Variants in ORC4 observed in about 807,000 individuals in gnomAD.
ORC4 encodes origin recognition complex, subunit 4 homolog.
In ORC4, 55 loss-of-function variants were observed where a neutral mutation model predicts 63.9. The observed-to-expected ratio is 0.86, with a 90% CI of 0.69 to 1.08. ORC4 has a LOEUF of 1.08. Ranked by LOEUF, ORC4 falls within the 50% of genes least tolerant of loss-of-function variation. The pLI, the probability that ORC4 is intolerant of heterozygous loss-of-function variation, is 0.00. For synonymous variants in ORC4, 150 were observed against 168.5 expected, an observed-to-expected ratio of 0.89 and a Z score of 0.85; for missense variants, 511 against 504.4, an observed-to-expected ratio of 1.01 and a Z score of -0.13.
intron 8 of ORC4, among the ~76,000 whole-genome samples, chr2:147,950,103 G>C (rs906182902): frequency 6.6e-6 from 1 of 152,128 alleles, no homozygotes. Flanking sequence ...TCAAAGAAAA[G>C]TATAGTGCCA....
At chr2:147,993,300 C>T (rs2105407977) in intron 1 of ORC4, among the ~76,000 whole-genome samples, 1 of 151,990 alleles carries the variant, frequency 6.6e-6, no homozygotes, top group Non-Finnish European at 1.5e-5. Context: ...TTTTCTTGGC[C>T]CCTACAATAT....
intron 1 of ORC4, among the ~76,000 whole-genome samples, chr2:147,982,545 T>C (rs991103026): frequency 1.3e-5 from 2 of 152,198 alleles, no homozygotes; most frequent in African/African-American, 4.8e-5. Flanking sequence ...AAGGCAGGTA[T>C]CTAATCTGCC....
chr2:147,995,938 T>C (rs898661210), intron 1 of ORC4, among the ~76,000 whole-genome samples: 23 of 150,476 alleles, frequency 1.5e-4, no homozygotes, highest in Middle Eastern at 3.4e-3. Flanking sequence ...AGGCAGAGGT[T>C]GCAGTGAGCC....
intron 10 of ORC4, among the ~76,000 whole-genome samples, chr2:147,940,107 C>A (rs1688279344): frequency 6.6e-6 from 1 of 152,100 alleles, no homozygotes; most frequent in Non-Finnish European, 1.5e-5. Context: ...TGGTTGGGAC[C>A]TAGATTGCCA....
intron 1 of ORC4, 27 bp from the exon 2 acceptor site, chr2:147,976,002 T>C (rs760591131): frequency 4.7e-6 from 5 of 1,071,504 alleles, no homozygotes; most frequent in South Asian, 1.2e-5. Flanking sequence ...ATAAATATTA[T>C]AAACGTAGTG....
rs894263976 is a variant in ORC4 at position 148,000,881 on chromosome 2, T to C, written c.-18+19752A>G. Among the ~76,000 whole-genome samples the C allele has an allele frequency of 2.6e-5, 4 of 152,082 alleles. No individual in the cohort carries two copies. The East Asian group carries it at 7.7e-4, about 29-fold the overall frequency. On this transcript the variant is annotated intron_variant, in intron 1 of 13. Coordinates refer to ENST00000392857, the MANE Select transcript of ORC4 (RefSeq NM_181741.4). ...TCAATGGGAAGATGGGGGGAATGGA[T>C]GGGATGTTTGTGGAAAAAGGCTAAA...
chr2:147,949,208 C>T (rs1037065909), intron 8 of ORC4, among the ~76,000 whole-genome samples: 2 of 151,728 alleles, frequency 1.3e-5, no homozygotes, highest in Non-Finnish European at 2.9e-5. Flanking sequence ...CCCAAATGTC[C>T]ATCAACTGAT....
At chr2:147,956,679 T>C (rs551014927) in intron 6 of ORC4, among the ~76,000 whole-genome samples, 5 of 152,238 alleles carry the variant, frequency 3.3e-5, no homozygotes, top group Admixed American at 6.5e-5. Context: ...GAAGAATTTA[T>C]GTATATCGTA....
intron 4 of ORC4, chr2:147,960,364 G>C: frequency 2.1e-6 from 2 of 972,334 alleles, no homozygotes; most frequent in Non-Finnish European, 2.4e-6. Flanking sequence ...TCTAATCTGG[G>C]TATTGCTAAA....
At chr2:147,938,561 C>A (rs1688190246) in intron 11 of ORC4, 168 bp from the exon 12 acceptor site, 2 of 583,094 alleles carry the variant, frequency 3.4e-6, no homozygotes, top group Non-Finnish European at 6.1e-6. Flanking sequence ...ATTTAAGTTA[C>A]TTAACCTCCC....
chr2:147,972,855 T>C (rs772482689), intron 3 of ORC4, 26 bp from the exon 4 acceptor site: 5 of 1,458,632 alleles, frequency 3.4e-6, no homozygotes, highest in Non-Finnish European at 4.8e-6. Context: ...TAGGACAAAA[T>C]TTTAAAAATG....
At chr2:147,965,460 TAAGA>T (rs1175193124) in intron 4 of ORC4, among the ~76,000 whole-genome samples, 1 of 151,698 alleles carries the variant, frequency 6.6e-6, no homozygotes, top group East Asian at 1.9e-4. Flanking sequence ...ATAAAAGTGA[TAAGA>T]AAGTTGTAAA....
At chr2:147,947,904 TAA>T (rs993209768) in intron 9 of ORC4, 145 bp downstream of exon 9, 1 of 631,982 alleles carries the variant, frequency 1.6e-6, no homozygotes, top group Non-Finnish European at 2.8e-6. Flanking sequence ...AGAAAATTTT[TAA>T]AAAGTATATA....
rs1221839749 is a variant in ORC4 at position 147,958,746 on chromosome 2, A to T, written c.301+45T>A. On this transcript the variant is annotated intron_variant, in intron 5 of 13. Coordinates refer to ENST00000392857, the MANE Select transcript of ORC4 (RefSeq NM_181741.4). ...AATATACAAGTCATATAAAAACCCC[A>T]CAAAGTTTACATAATCTCCAATGGC... The T allele has an allele frequency of 3.1e-6, 3 of 963,738 alleles. No homozygotes were observed. In the African/African-American group the frequency reaches 4.8e-5, roughly 16 times the overall value. The allele number at this position is 963,738 out of a possible 1,614,324, so 59.7% of individuals were successfully genotyped here. A position where few individuals can be genotyped will look rare whatever the true frequency, so the allele number is the denominator to read the frequency against.
chr2:147,983,851 AATTCAAGAG>A (rs1691034013), intron 1 of ORC4, among the ~76,000 whole-genome samples: 1 of 152,196 alleles, frequency 6.6e-6, no homozygotes, highest in Non-Finnish European at 1.5e-5. Context: ...GTCTTAGAGA[AATTCAAGAG>A]CTAACAGATA....
intron 10 of ORC4, 114 bp downstream of exon 10, chr2:147,943,322 G>T (rs1008040207): frequency 5.6e-6 from 4 of 717,436 alleles, no homozygotes; most frequent in Non-Finnish European, 1.0e-5. Context: ...AGGCAGAGGT[G>T]GGAGGATGGC....
Position 147,935,145 on chromosome 2 carries a change from C to A in ORC4, c.*365G>T. 1 of 224,342 alleles carries A rather than the reference C, an allele frequency of 4.5e-6. No individual in the cohort carries two copies. Among genetic ancestry groups the A allele is most frequent in the Non-Finnish European group, 9.0e-6 (1 of 111,440 alleles). The allele number at this position is 224,342 out of a possible 1,614,324, so 13.9% of individuals were successfully genotyped here. A position where few individuals can be genotyped will look rare whatever the true frequency, so the allele number is the denominator to read the frequency against. ...GTTACTTATTATACTTCAGTGCTTA[C>A]CATTGTTTTTTTTACTCCTTTGGTT... On this transcript the variant is annotated 3_prime_UTR_variant, in exon 14 of 14. Coordinates refer to ENST00000392857, the MANE Select transcript of ORC4 (RefSeq NM_181741.4).
intron 1 of ORC4, among the ~76,000 whole-genome samples, chr2:147,984,315 T>C (rs1346421246): frequency 6.6e-6 from 1 of 152,124 alleles, no homozygotes; most frequent in Non-Finnish European, 1.5e-5. Context: ...TTCAACTTAA[T>C]GAATAGTAAA....
chr2:147,996,123 G>A (rs565618568), intron 1 of ORC4, among the ~76,000 whole-genome samples: 1 of 152,288 alleles, frequency 6.6e-6, no homozygotes, highest in African/African-American at 2.4e-5. Context: ...GGCCAATGTG[G>A]TGAAACCCCG....
Sources: allele counts gnomAD v4.1 joint callset (sites outside exome capture counted in the v4.1 genomes callset), GRCh38; gene constraint gnomAD v4.1.1; transcripts MANE v1.5; gene names NCBI Gene and HGNC (gene_info 2026-07-23, HGNC 2026-07-21).